RASGEF1A: variants seen among roughly 807,000 people sequenced by gnomAD.
RASGEF1A encodes ras-GEF domain-containing family member 1A.
A neutral mutation model predicts 56.4 loss-of-function variants in RASGEF1A; 18 were observed. The observed-to-expected ratio is 0.32, with a 90% CI of 0.22 to 0.47. RASGEF1A has a LOEUF of 0.47. Among genes scored for constraint, RASGEF1A ranks in the 20% least tolerant of loss-of-function variants. RASGEF1A has a pLI of 1.00. For synonymous variants in RASGEF1A, 245 were observed against 242.6 expected, an observed-to-expected ratio of 1.01 and a Z score of -0.09; for missense variants, 422 against 627.1, an observed-to-expected ratio of 0.67 and a Z score of 3.49.
Position 43,198,840 on chromosome 10 carries a change from G to A in RASGEF1A, c.1032+93C>T, listed in dbSNP as rs914444363. ...AGGTGCTAGCCCCAGGGAGAGGAGG[G>A]CAGCCCCCCACCCCCACTGTCAGGG... On this transcript the variant is annotated intron_variant, in intron 9 of 12. Transcript: ENST00000395810. The A allele has an allele frequency of 8.5e-6, 10 of 1,180,648 alleles. No homozygotes were observed. In the African/African-American group the frequency reaches 1.2e-4, roughly 14 times the overall value. 73.1% of individuals were successfully genotyped at this position (1,180,648 alleles called of 1,614,324 possible). A position where few individuals can be genotyped will look rare whatever the true frequency, so the allele number is the denominator to read the frequency against.
Position 43,196,532 on chromosome 10 carries a change from G to A in RASGEF1A, c.1365C>T (p.Ser455=), listed in dbSNP as rs1406861278. The A allele has an allele frequency of 6.2e-7, 1 of 1,613,760 alleles. No homozygotes were observed. The highest frequency in any genetic ancestry group is 1.3e-5 in the African/African-American group (1 of 74,922). Residue 455 remains serine, a synonymous_variant, in exon 12 of 13, where the codon TCC becomes TCT. Coordinates refer to ENST00000395810, the MANE Select transcript of RASGEF1A (RefSeq NM_145313.4). This position sits in a 1 kb window ranked among gnomAD's most constrained non-coding sequence, Gnocchi z 4.6. ...GGTTCTCGGGACCCTCACTTTCAAA[G>A]GAGGCGACGAAGAGAGCTGAGAGAT... ...IYSEEALFVA[S]FESEGPENHM...
intron 1 of RASGEF1A, among the ~76,000 whole-genome samples, chr10:43,238,753 A>ATGCATCTCAGGGAGTCC (rs1304566528): frequency 1.8e-4 from 28 of 152,282 alleles, no homozygotes; most frequent in Non-Finnish European, 3.4e-4. Context: ...GTGGGCAGCA[A>ATGCATCTCAGGGAGTCC]TGCATCTCAG....
intron 1 of RASGEF1A, among the ~76,000 whole-genome samples, chr10:43,213,689 C>T (rs1302257925): frequency 6.6e-6 from 1 of 152,142 alleles, no homozygotes; most frequent in African/African-American, 2.4e-5. Context: ...TGCAGTGGCA[C>T]GATCTTGGCT....
intron 1 of RASGEF1A, among the ~76,000 whole-genome samples, chr10:43,248,201 C>T (rs533140885): frequency 2.2e-4 from 33 of 150,918 alleles, no homozygotes; most frequent in African/African-American, 7.1e-4. Flanking sequence ...ACTAAAAATA[C>T]AAAAATTAGC....
At chr10:43,264,549 G>A (rs1439875857) in intron 1 of RASGEF1A, among the ~76,000 whole-genome samples, 1 of 151,694 alleles carries the variant, frequency 6.6e-6, no homozygotes, top group Non-Finnish European at 1.5e-5. Flanking sequence ...CGGGAGGCAG[G>A]CTGGAGTGGG....
chr10:43,261,032 G>C (rs1836519084), intron 1 of RASGEF1A, among the ~76,000 whole-genome samples: 1 of 152,078 alleles, frequency 6.6e-6, no homozygotes, highest in Non-Finnish European at 1.5e-5. Context: ...CACCCACCAG[G>C]CTTGGTGGGT....
intron 1 of RASGEF1A, among the ~76,000 whole-genome samples, chr10:43,253,842 G>A (rs9787519): frequency 1.3e-5 from 2 of 152,164 alleles, no homozygotes; most frequent in African/African-American, 4.8e-5. Flanking sequence ...CATGTGGTGC[G>A]GAAGCAGCTC....
rs936522699 is a variant in RASGEF1A at position 43,211,798 on chromosome 10, A to C, written c.-6-5676T>G. Among the ~76,000 whole-genome samples, 15 of 152,286 alleles carry C rather than the reference A, an allele frequency of 9.8e-5. No individual in the cohort carries two copies. The Middle Eastern group carries it at 0.01, about 104-fold the overall frequency. ...TGGGCCTGGGACTGCATGCCAGAGA[A>C]CAGGCTCTGTCCCCACACCCACGGG... On this transcript the variant is annotated intron_variant, in intron 1 of 12. Coordinates refer to ENST00000395810, the MANE Select transcript of RASGEF1A (RefSeq NM_145313.4).
chr10:43,196,364 T>C lies in RASGEF1A; in HGVS notation c.1422-96A>G, dbSNP rs1293319469. 7.0e-6 allele frequency: 11 copies of C among 1,570,768 alleles called. No homozygotes were observed. The highest frequency in any genetic ancestry group is 9.6e-6 in the Non-Finnish European group (11 of 1,142,088). ...CCCACCAAACATGCACCAGGGACCCTGGACCAGGGACGCGGCAGTGCCCAG... is the reference window on the plus strand; with the variant it reads ...CCCACCAAACATGCACCAGGGACCCCGGACCAGGGACGCGGCAGTGCCCAG... On this transcript the variant is annotated intron_variant, in intron 12 of 12. Transcript: ENST00000395810. This position sits in a 1 kb window ranked among gnomAD's most constrained non-coding sequence, Gnocchi z 4.6.
At chr10:43,238,169 CTCAGGAGGGTTAG>C (rs1163706369) in intron 1 of RASGEF1A, among the ~76,000 whole-genome samples, 14 of 36,218 alleles carry the variant, frequency 3.9e-4, no homozygotes, top group Non-Finnish European at 6.8e-4. Context: ...ACACCTGCCC[CTCAGGAGGGTTAG>C]CCATGTCGAC....
chr10:43,203,481 C>T, intron 2 of RASGEF1A, 61 bp from the exon 3 acceptor site: 23 of 1,460,786 alleles, frequency 1.6e-5, no homozygotes, highest in Non-Finnish European at 2.1e-5. Flanking sequence ...GGGGGCTCAC[C>T]GCGCTGCTTC....
In RASGEF1A at chr10:43,249,566, G is replaced by A. The variant is rs542623201; in HGVS notation, c.-7+17279C>T. On this transcript the variant is annotated intron_variant, in intron 1 of 12. Coordinates refer to ENST00000395810, the MANE Select transcript of RASGEF1A (RefSeq NM_145313.4). Reference sequence around the variant, plus strand: ...CTGGCTCTGCTCCCCCAGGCACACAGCGGTGCAGGGTCCTGCCCAGGCCAG... The same window carrying A: ...CTGGCTCTGCTCCCCCAGGCACACAACGGTGCAGGGTCCTGCCCAGGCCAG... Among the ~76,000 whole-genome samples the A allele has an allele frequency of 2.3e-4, 35 of 152,362 alleles. No individual in the cohort carries two copies. The East Asian group carries it at 6.4e-3, about 28-fold the overall frequency.
At chr10:43,217,597 T>G (rs1309609559) in intron 1 of RASGEF1A, among the ~76,000 whole-genome samples, 2 of 152,208 alleles carry the variant, frequency 1.3e-5, no homozygotes, top group African/African-American at 4.8e-5. Flanking sequence ...CTATCCACAA[T>G]GTGCAGGCAA....
At chr10:43,229,487 G>A (rs1307484340) in intron 1 of RASGEF1A, 2 of 566,474 alleles carry the variant, frequency 3.5e-6, no homozygotes, top group Admixed American at 4.1e-5. Flanking sequence ...AGGTGCTCCA[G>A]CGGGGACGCA....
intron 1 of RASGEF1A, among the ~76,000 whole-genome samples, chr10:43,223,775 A>C (rs917184926): frequency 1.3e-5 from 2 of 152,216 alleles, no homozygotes; most frequent in Non-Finnish European, 2.9e-5. Context: ...TCATGCCTGT[A>C]ATCCCAGCAC....
At chr10:43,242,031 A>G (rs1262303808) in intron 1 of RASGEF1A, among the ~76,000 whole-genome samples, 3 of 152,286 alleles carry the variant, frequency 2.0e-5, no homozygotes, top group Admixed American at 2.0e-4. Context: ...CCAGCTACTC[A>G]GGAGGCTGAG....
intron 1 of RASGEF1A, among the ~76,000 whole-genome samples, chr10:43,225,254 C>T (rs1156241122): frequency 2.5e-4 from 2 of 8,148 alleles, no homozygotes; most frequent in African/African-American, 1.1e-3. Flanking sequence ...GTGTGGGGGT[C>T]TGTGGGGGGG....
At chr10:43,247,236 G>A (rs1042923320) in intron 1 of RASGEF1A, among the ~76,000 whole-genome samples, 1 of 152,194 alleles carries the variant, frequency 6.6e-6, no homozygotes, top group African/African-American at 2.4e-5. Flanking sequence ...TACTGGGGTG[G>A]ATATAATAGA....
At chr10:43,244,826 A>T (rs888252133) in intron 1 of RASGEF1A, among the ~76,000 whole-genome samples, 3 of 152,144 alleles carry the variant, frequency 2.0e-5, no homozygotes, top group African/African-American at 7.2e-5. Flanking sequence ...TGAGTTTAAA[A>T]ATATATATAT....
Sources: gnomAD v4.1 joint callset for allele counts (sites outside exome capture counted in the v4.1 genomes callset) on GRCh38, gnomAD v4.1.1 for gene constraint, Gnocchi (gnomAD v3.1) non-coding constraint, MANE v1.5 for transcripts, NCBI Gene and HGNC (gene_info 2026-07-23, HGNC 2026-07-21) for gene names.